Variants in ZFHX3 observed in about 807,000 individuals in gnomAD.
ZFHX3 encodes the protein zinc finger homeobox protein 3.
Under a neutral mutation model 279.1 loss-of-function variants are expected in ZFHX3, and 42 were observed. The observed-to-expected ratio is 0.15, with a 90% CI of 0.12 to 0.19. The LOEUF (loss-of-function observed/expected upper bound fraction) is 0.19, where lower values mean the gene tolerates loss of function less well. Among genes scored for constraint, ZFHX3 ranks in the 10% least tolerant of loss-of-function variants. ZFHX3 has a pLI of 1.00. For missense variants in ZFHX3, 4,981 were observed against 4,754.0 expected, an observed-to-expected ratio of 1.05 and a Z score of -1.40; for synonymous variants, 2,293 against 1,957.8, an observed-to-expected ratio of 1.17 and a Z score of -4.52.
chr16:72,959,912 C>G lies in ZFHX3; in HGVS notation c.234G>C (p.Glu78Asp), dbSNP rs771934671. 1.1e-5 allele frequency: 17 copies of G among 1,603,280 alleles called. No homozygotes were observed. The South Asian group carries it at 1.6e-4, about 15-fold the overall frequency. ...AGGCCGAACATTCGTTGCAGGTGAC[C>G]TCCTTGCTGGCGGGCTCGGAGGGGG... Reference protein sequence around the residue: ...AGPPSEPASKEVTCNECSASF... With the variant: ...AGPPSEPASKDVTCNECSASF... The change falls in exon 2 of 10, where the codon GAG (glutamate) becomes GAC (aspartate). Residue 78 changes from glutamate (E) to aspartate (D), a missense_variant. Transcript: ENST00000268489.
At chr16:73,459,760 G>A (rs193122174) in intron 2 of ZFHX3, among the ~76,000 whole-genome samples, 5 of 152,212 alleles carry the variant, frequency 3.3e-5, no homozygotes, top group East Asian at 1.9e-4. Context: ...GAAGCAAGGC[G>A]CCTTCCTCAC....
At chr16:73,704,903 G>A (rs1033758756) in intron 1 of ZFHX3, among the ~76,000 whole-genome samples, 3 of 152,174 alleles carry the variant, frequency 2.0e-5, no homozygotes, top group Admixed American at 6.5e-5. Flanking sequence ...ATTCAGTATT[G>A]TGCTGGCAAC....
chr16:73,584,622 T>C (rs2051903630), intron 2 of ZFHX3, among the ~76,000 whole-genome samples: 1 of 152,206 alleles, frequency 6.6e-6, no homozygotes, highest in Admixed American at 6.5e-5. Flanking sequence ...TTGGACATTA[T>C]GAAAATTTTT....
chr16:73,401,014 G>A (rs1279468440), intron 3 of ZFHX3: 1 of 152,030 alleles, frequency 6.6e-6, no homozygotes, highest in Non-Finnish European at 1.5e-5. Flanking sequence ...GTACAGGAAG[G>A]CCCTCATGAA....
At chr16:73,326,662 G>T (rs1033461081) in intron 3 of ZFHX3, among the ~76,000 whole-genome samples, 3 of 152,124 alleles carry the variant, frequency 2.0e-5, no homozygotes, top group African/African-American at 7.2e-5. Context: ...TTATTTTGGG[G>T]TGATGAAAAT....
chr16:73,298,946 A>G (rs945367599), intron 4 of ZFHX3, among the ~76,000 whole-genome samples: 15 of 152,238 alleles, frequency 9.9e-5, no homozygotes, highest in Non-Finnish European at 2.1e-4. Context: ...TGTATTTCTT[A>G]AAGATCTCAA....
intron 4 of ZFHX3, among the ~76,000 whole-genome samples, chr16:72,873,338 T>C (rs1266714510): frequency 6.6e-6 from 1 of 152,190 alleles, no homozygotes; most frequent in Non-Finnish European, 1.5e-5. Context: ...TCCAAAAGCA[T>C]GCTTGGAGAA....
At chr16:73,785,007 A>T (rs976258426) in intron 1 of ZFHX3, among the ~76,000 whole-genome samples, 6 of 151,924 alleles carry the variant, frequency 3.9e-5, no homozygotes, top group Non-Finnish European at 8.8e-5. Flanking sequence ...ATCTGTGTTT[A>T]CTAATGTTTC....
At chr16:73,891,133 A>G (rs2030524472) in intron 1 of ZFHX3, among the ~76,000 whole-genome samples, 1 of 151,718 alleles carries the variant, frequency 6.6e-6, no homozygotes, top group South Asian at 2.1e-4. Context: ...TTTGACATGC[A>G]AATGAGCTAG....
At chr16:73,247,717 T>C (rs1212855519) in intron 5 of ZFHX3, among the ~76,000 whole-genome samples, 1 of 151,960 alleles carries the variant, frequency 6.6e-6, no homozygotes, top group Non-Finnish European at 1.5e-5. Flanking sequence ...ATGTATATAA[T>C]GTGTCTGTGT....
At chr16:73,213,154 C>T (rs1447100702) in intron 5 of ZFHX3, among the ~76,000 whole-genome samples, 1 of 152,168 alleles carries the variant, frequency 6.6e-6, no homozygotes, top group Non-Finnish European at 1.5e-5. Context: ...TTCTTTAGCC[C>T]TGAAGATCAT....
intron 1 of ZFHX3, among the ~76,000 whole-genome samples, chr16:73,878,604 T>C (rs11860773): frequency 0.15 from 23,063 of 152,042 alleles, 1,962 homozygotes; most frequent in Middle Eastern, 0.27. Context: ...GATATAGGGA[T>C]ATTAAATTAT....
At chr16:72,901,669 G>C (rs1393626240) in intron 3 of ZFHX3, among the ~76,000 whole-genome samples, 2 of 152,206 alleles carry the variant, frequency 1.3e-5, no homozygotes, top group African/African-American at 2.4e-5. Context: ...AAGGTTGAAA[G>C]AGACAGACTT....
chr16:73,093,460 C>G, exon 8 of ZFHX3: 1 of 497,556 alleles, frequency 2.0e-6, no homozygotes, highest in Non-Finnish European at 4.0e-6. Flanking sequence ...TTTGGGGGTT[C>G]CAGGGCTCTC....
chr16:72,936,193 A>G (rs189072891), intron 3 of ZFHX3, among the ~76,000 whole-genome samples: 8 of 152,352 alleles, frequency 5.3e-5, no homozygotes, highest in Middle Eastern at 3.4e-3. Flanking sequence ...CTTTACACCA[A>G]CATATGCCTT....
chr16:73,364,575 G>A (rs569686298), intron 3 of ZFHX3, among the ~76,000 whole-genome samples: 1 of 152,260 alleles, frequency 6.6e-6, no homozygotes, highest in South Asian at 2.1e-4. Context: ...TATGATCACA[G>A]GGTAGCATGG....
At chr16:73,780,373 C>T (rs545879307) in intron 1 of ZFHX3, among the ~76,000 whole-genome samples, 1 of 150,280 alleles carries the variant, frequency 6.7e-6, no homozygotes, top group East Asian at 2.0e-4. Flanking sequence ...GTCTCGAACT[C>T]CTGAACTCAG....
At chr16:72,817,200 C>G (rs1258505780) in intron 5 of ZFHX3, among the ~76,000 whole-genome samples, 1 of 152,196 alleles carries the variant, frequency 6.6e-6, no homozygotes, top group Non-Finnish European at 1.5e-5. Flanking sequence ...TCCCTTATAA[C>G]TTCATCTGAT....
intron 5 of ZFHX3, chr16:73,232,062 C>T (rs1040828141): frequency 8.5e-5 from 13 of 152,382 alleles, no homozygotes; most frequent in South Asian, 4.1e-4. Flanking sequence ...CCATTTGGCT[C>T]TTGATTCTTC....
Sources: gnomAD v4.1 joint callset for allele counts (sites outside exome capture counted in the v4.1 genomes callset) on GRCh38, gnomAD v4.1.1 for gene constraint, MANE v1.5 for transcripts, NCBI Gene and HGNC (gene_info 2026-07-23, HGNC 2026-07-21) for gene names.